Variants in SPATA16 observed in about 807,000 individuals in gnomAD.
SPATA16 encodes spermatogenesis-associated protein 16.
SPATA16 carries 36 observed loss-of-function variants against 63.3 expected under a neutral mutation model. The ratio of observed to expected loss-of-function variants is 0.57; its 90% CI spans 0.44 to 0.75. SPATA16 has a LOEUF of 0.75. Ranked by LOEUF, SPATA16 falls within the 30% of genes least tolerant of loss-of-function variation. The probability of loss-of-function intolerance (pLI) is 0.00; values close to 1 mark genes in which losing one functional copy is unlikely to be tolerated. For missense variants in SPATA16, 646 were observed against 679.3 expected (o/e 0.95, Z 0.54); for synonymous variants, 203 against 216.7 (o/e 0.94, Z 0.56).
chr3:172,897,332 T>A (rs1732028812), intron 10 of SPATA16, among the ~76,000 whole-genome samples: 1 of 152,182 alleles, frequency 6.6e-6, no homozygotes, highest in Non-Finnish European at 1.5e-5. Context: ...TCCATCAGTA[T>A]ACAAATTCTT....
At chr3:172,909,692 C>T (rs913223961) in intron 10 of SPATA16, among the ~76,000 whole-genome samples, 4 of 152,196 alleles carry the variant, frequency 2.6e-5, no homozygotes, top group Non-Finnish European at 4.4e-5. Context: ...GCATGAGATG[C>T]ATTGAGTAAG....
chr3:172,960,619 A>T (rs78088218), intron 5 of SPATA16, among the ~76,000 whole-genome samples: 5 of 152,308 alleles, frequency 3.3e-5, no homozygotes, highest in African/African-American at 9.6e-5. Context: ...CTTGCCCAGG[A>T]TGACTGTACA....
intron 2 of SPATA16, among the ~76,000 whole-genome samples, chr3:173,091,728 G>A (rs748175367): frequency 6.6e-6 from 1 of 152,066 alleles, no homozygotes; most frequent in Non-Finnish European, 1.5e-5. Context: ...TTGAAGAGAG[G>A]AAATCAAATC....
chr3:172,896,415 G>A (rs1320048483), intron 10 of SPATA16, among the ~76,000 whole-genome samples: 1 of 152,100 alleles, frequency 6.6e-6, no homozygotes, highest in Non-Finnish European at 1.5e-5. Context: ...TAGAGATAGA[G>A]TTTCATCGTG....
rs886216629 is a variant in SPATA16 at position 172,895,366 on chromosome 3, T to G, written c.1588-5674A>C. 2.0e-5 allele frequency among the ~76,000 whole-genome samples: 3 copies of G among 152,214 alleles called. No individual in the cohort carries two copies. In the East Asian group the frequency reaches 5.8e-4, roughly 29 times the overall value. On this transcript the variant is annotated intron_variant, in intron 10 of 10. Coordinates refer to ENST00000351008, the MANE Select transcript of SPATA16 (RefSeq NM_031955.6). The stretch of plus-strand genomic sequence containing the variant: ...CTTTTGTTTTTTGAGACAAGAGTCT[T>G]GCTGTGTCACCCAAGGCGGAGTGCA...
chr3:172,946,970 T>C (rs73882543), intron 6 of SPATA16, among the ~76,000 whole-genome samples: 13,264 of 152,118 alleles, frequency 0.087, 1,933 homozygotes, highest in African/African-American at 0.3. Flanking sequence ...TCACCTCTCC[T>C]GAAGCTTCAG....
intron 6 of SPATA16, among the ~76,000 whole-genome samples, chr3:172,946,865 G>T (rs1733302631): frequency 6.6e-6 from 1 of 152,218 alleles, no homozygotes; most frequent in Non-Finnish European, 1.5e-5. Flanking sequence ...TAGCCAGGTA[G>T]TGACTGGGTG....
At chr3:172,936,481 G>T (rs1732996820) in intron 6 of SPATA16, among the ~76,000 whole-genome samples, 1 of 151,992 alleles carries the variant, frequency 6.6e-6, no homozygotes, top group Non-Finnish European at 1.5e-5. Flanking sequence ...CTTTCATTTG[G>T]CTGTTTCTAA....
At chr3:173,024,917 A>G (rs947229381) in intron 3 of SPATA16, among the ~76,000 whole-genome samples, 3 of 150,742 alleles carry the variant, frequency 2.0e-5, no homozygotes, top group Non-Finnish European at 4.4e-5. Flanking sequence ...CAATAATTTT[A>G]GCTTTGACCA....
chr3:172,939,701 A>G (rs1490013618), intron 6 of SPATA16, among the ~76,000 whole-genome samples: 3 of 152,224 alleles, frequency 2.0e-5, no homozygotes, highest in African/African-American at 7.2e-5. Flanking sequence ...AGTTCCTGAC[A>G]CAGCTTCTAA....
At chr3:173,128,765 T>C (rs1237549871) in intron 1 of SPATA16, among the ~76,000 whole-genome samples, 3 of 152,390 alleles carry the variant, frequency 2.0e-5, no homozygotes, top group South Asian at 4.1e-4. Context: ...AAATACTAAA[T>C]GCTAGAGCAA....
At chr3:173,021,840 A>G (rs906440114) in intron 3 of SPATA16, among the ~76,000 whole-genome samples, 1 of 151,842 alleles carries the variant, frequency 6.6e-6, no homozygotes, top group Non-Finnish European at 1.5e-5. Flanking sequence ...TTTAGTTAGC[A>G]TCTACAAATT....
intron 2 of SPATA16, among the ~76,000 whole-genome samples, chr3:173,049,999 A>G (rs963609425): frequency 6.6e-6 from 1 of 152,036 alleles, no homozygotes. Flanking sequence ...ATACTGGGGG[A>G]AATTTTCTTG....
intron 2 of SPATA16, among the ~76,000 whole-genome samples, chr3:173,056,424 C>T (rs143237890): frequency 2.0e-5 from 3 of 152,030 alleles, no homozygotes; most frequent in Non-Finnish European, 2.9e-5. Context: ...TAAGAAATGC[C>T]GGGCGCAGTG....
intron 3 of SPATA16, among the ~76,000 whole-genome samples, chr3:173,020,772 T>G (rs1254651955): frequency 2.0e-5 from 3 of 152,218 alleles, no homozygotes; most frequent in African/African-American, 7.2e-5. Context: ...AAGTTCGAAA[T>G]GTAGCTTCTA....
At chr3:172,938,768 T>A (rs1301671238) in intron 6 of SPATA16, among the ~76,000 whole-genome samples, 1 of 152,030 alleles carries the variant, frequency 6.6e-6, no homozygotes. Context: ...GGTTCTCCTA[T>A]AAAACCTAAA....
At chr3:173,079,528 T>G (rs745685314) in intron 2 of SPATA16, among the ~76,000 whole-genome samples, 2 of 152,212 alleles carry the variant, frequency 1.3e-5, no homozygotes, top group Non-Finnish European at 2.9e-5. Context: ...AATGTTATTG[T>G]TATATCTTTT....
intron 6 of SPATA16, among the ~76,000 whole-genome samples, chr3:172,929,269 A>G (rs1345802050): frequency 1.3e-5 from 2 of 152,244 alleles, no homozygotes; most frequent in African/African-American, 2.4e-5. Context: ...AACAGCTCCA[A>G]ATTTTTACCA....
intron 2 of SPATA16, among the ~76,000 whole-genome samples, chr3:173,075,741 A>G (rs776461746): frequency 5.3e-5 from 8 of 152,148 alleles, no homozygotes; most frequent in Non-Finnish European, 1.0e-4. Flanking sequence ...ATGGAGATAT[A>G]CAGTAGAATG....
Sources: gnomAD v4.1 joint callset for allele counts (sites outside exome capture counted in the v4.1 genomes callset) on GRCh38, gnomAD v4.1.1 for gene constraint, MANE v1.5 for transcripts, NCBI Gene and HGNC (gene_info 2026-07-23, HGNC 2026-07-21) for gene names.